Variants in DAB1 observed in about 807,000 individuals in gnomAD.
DAB1 encodes DAB adaptor protein 1.
Under a neutral mutation model 64.6 loss-of-function variants are expected in DAB1, and 15 were observed. That is an observed-to-expected ratio of 0.23 (90% CI 0.16 to 0.36). The LOEUF (loss-of-function observed/expected upper bound fraction) is 0.36, where lower values mean the gene tolerates loss of function less well. DAB1 is among the 10% of genes least tolerant of loss of function. The pLI, the probability that DAB1 is intolerant of heterozygous loss-of-function variation, is 1.00. For synonymous variants in DAB1, 235 were observed against 251.9 expected, an observed-to-expected ratio of 0.93 and a Z score of 0.64; for missense variants, 596 against 706.7, an observed-to-expected ratio of 0.84 and a Z score of 1.78.
chr1:57,628,468 A>G (rs1645949669), intron 7 of DAB1, among the ~76,000 whole-genome samples: 1 of 152,148 alleles, frequency 6.6e-6, no homozygotes, highest in Non-Finnish European at 1.5e-5. Context: ...TCATTCATTC[A>G]TTACTTCACT....
intron 1 of DAB1, chr1:58,530,763 T>C: frequency 1.2e-6 from 1 of 862,294 alleles, no homozygotes; most frequent in Non-Finnish European, 2.0e-6. Flanking sequence ...AACTACATTT[T>C]ATACATTGAG....
intron 5 of DAB1, among the ~76,000 whole-genome samples, chr1:58,075,633 T>A (rs1649590334): frequency 6.6e-6 from 1 of 152,212 alleles, no homozygotes; most frequent in Non-Finnish European, 1.5e-5. Context: ...CTGTCCTGAT[T>A]GATTCAAAAG....
chr1:57,025,929 G>A (rs1416617098), intron 10 of DAB1, 52 bp downstream of exon 10: 7 of 1,427,682 alleles, frequency 4.9e-6, no homozygotes, highest in Middle Eastern at 1.9e-4. Context: ...CTGAGGGGAT[G>A]TGTAAAGAAA....
intron 5 of DAB1, among the ~76,000 whole-genome samples, chr1:58,050,385 G>A (rs1647561612): frequency 6.6e-6 from 1 of 152,160 alleles, no homozygotes; most frequent in African/African-American, 2.4e-5. Context: ...AGAACAAAGT[G>A]TAGGTTACAG....
At chr1:57,377,042 G>A (rs1488765505) in intron 1 of DAB1, among the ~76,000 whole-genome samples, 3 of 152,178 alleles carry the variant, frequency 2.0e-5, no homozygotes, top group South Asian at 2.1e-4. Context: ...GGCCGAGGTG[G>A]GCAGATCACT....
chr1:57,335,878 A>G (rs577294637), intron 1 of DAB1, among the ~76,000 whole-genome samples: 1 of 152,336 alleles, frequency 6.6e-6, no homozygotes, highest in Admixed American at 6.5e-5. Context: ...GGAATAAGAC[A>G]TGCATTTTGA....
intron 7 of DAB1, among the ~76,000 whole-genome samples, chr1:57,570,380 T>C (rs1645179774): frequency 9.3e-6 from 1 of 107,224 alleles, no homozygotes; most frequent in African/African-American, 3.1e-5. Flanking sequence ...CGTGAGTTAA[T>C]ACTTAACAAA....
chr1:58,155,752 C>T (rs760781426), intron 4 of DAB1, among the ~76,000 whole-genome samples: 20 of 152,150 alleles, frequency 1.3e-4, no homozygotes, highest in African/African-American at 1.9e-4. Flanking sequence ...GCCAGGAGTG[C>T]GTGAAGCAAT....
upstream of DAB1, among the ~76,000 whole-genome samples, chr1:57,888,664 T>C (rs1346989764): frequency 1.3e-5 from 2 of 152,222 alleles, no homozygotes; most frequent in Non-Finnish European, 2.9e-5. Flanking sequence ...CAAAAGCTTA[T>C]TCTTTCCCCC....
intron 4 of DAB1, chr1:58,228,844 G>A (rs935879481): frequency 1.1e-5 from 7 of 622,592 alleles, no homozygotes; most frequent in Non-Finnish European, 2.1e-5. Flanking sequence ...AGAGACACCA[G>A]GGAGCTCAGC....
intron 1 of DAB1, among the ~76,000 whole-genome samples, chr1:57,316,830 C>A (rs540981019): frequency 6.6e-6 from 1 of 152,098 alleles, no homozygotes; most frequent in Non-Finnish European, 1.5e-5. Flanking sequence ...AGGTAACAGG[C>A]AAATATGTGC....
chr1:57,063,732 T>C lies in DAB1; in HGVS notation c.664-789A>G, dbSNP rs116295323. 6.0e-3 allele frequency among the ~76,000 whole-genome samples: 918 copies of C among 152,340 alleles called. 7 individuals are homozygous for C. The highest frequency in any genetic ancestry group is 0.021 in the African/African-American group (890 of 41,572). On this transcript the variant is annotated intron_variant, in intron 8 of 14. Coordinates refer to ENST00000371236, the MANE Select transcript of DAB1 (RefSeq NM_001365792.1). ...ACTATTACATACCATAATACTGTAA[T>C]GTGTTAGAAGAATTACTTTAGTTAC...
At chr1:57,469,498 A>G (rs1687068022) in intron 7 of DAB1, among the ~76,000 whole-genome samples, 1 of 152,082 alleles carries the variant, frequency 6.6e-6, no homozygotes, top group Non-Finnish European at 1.5e-5. Context: ...TCCCTCTGAG[A>G]TGCTAGGTCC....
intron 5 of DAB1, among the ~76,000 whole-genome samples, chr1:58,140,073 A>G (rs1205133514): frequency 6.6e-6 from 1 of 152,142 alleles, no homozygotes; most frequent in Non-Finnish European, 1.5e-5. Flanking sequence ...CCCCTACCGT[A>G]CTACCCTTTA....
At chr1:57,868,589 C>A (rs1654403732) in intron 1 of DAB1, among the ~76,000 whole-genome samples, 1 of 152,138 alleles carries the variant, frequency 6.6e-6, no homozygotes, top group African/African-American at 2.4e-5. Flanking sequence ...CCAAACAAAT[C>A]TATCTCTAGA....
chr1:58,085,769 A>C (rs1381570277), intron 5 of DAB1, among the ~76,000 whole-genome samples: 3 of 152,000 alleles, frequency 2.0e-5, no homozygotes, highest in African/African-American at 4.8e-5. Context: ...ACCCTCACCC[A>C]CTTTTCCTAT....
At chr1:57,509,573 G>A (rs1644384879) in intron 7 of DAB1, among the ~76,000 whole-genome samples, 1 of 151,990 alleles carries the variant, frequency 6.6e-6, no homozygotes, top group Non-Finnish European at 1.5e-5. Context: ...ATTAGCTGAT[G>A]ACCTTACCTC....
At position 57,157,532 on chromosome 1, in the gene DAB1, G is replaced by T. The variant is rs115211815; in HGVS notation, c.68-12103C>A. 8.8e-3 allele frequency among the ~76,000 whole-genome samples: 1,339 copies of T among 152,104 alleles called. 7 individuals are homozygous for T. The highest frequency in any genetic ancestry group is 0.014 in the South Asian group (68 of 4,818). On this transcript the variant is annotated intron_variant, in intron 2 of 14. Transcript: ENST00000371236. ...GCTTGCAGATTGCCACTGTCTCACT[G>T]TGTGCTCAGAAGATCTCTTTTTGTG...
At chr1:57,264,673 T>C (rs1425924687) in intron 2 of DAB1, among the ~76,000 whole-genome samples, 2 of 149,950 alleles carry the variant, frequency 1.3e-5, no homozygotes. Flanking sequence ...CGCCTAAACA[T>C]TGAGAGCAGG....
Sources: allele counts gnomAD v4.1 joint callset (sites outside exome capture counted in the v4.1 genomes callset), GRCh38; gene constraint gnomAD v4.1.1; transcripts MANE v1.5; gene names NCBI Gene and HGNC (gene_info 2026-07-23, HGNC 2026-07-21).